The following MAPRE3 variants were observed in gnomAD, a reference collection of about 807,000 sequenced individuals.
MAPRE3 encodes microtubule-associated protein RP/EB family member 3.
A neutral mutation model predicts 30.5 loss-of-function variants in MAPRE3; 2 were observed. That is an observed-to-expected ratio of 0.07 (90% confidence interval 0.03 to 0.21). MAPRE3 has a LOEUF of 0.21. MAPRE3 is among the 10% of genes least tolerant of loss of function. The pLI is 1.00. For synonymous variants in MAPRE3, 110 were observed against 127.7 expected, an observed-to-expected ratio of 0.86 and a Z score of 0.93; for missense variants, 204 against 351.8, an observed-to-expected ratio of 0.58 and a Z score of 3.36.
intron 1 of MAPRE3, among the ~76,000 whole-genome samples, chr2:27,008,840 C>A (rs1022349030): frequency 6.6e-6 from 1 of 152,098 alleles, no homozygotes; most frequent in Non-Finnish European, 1.5e-5. Context: ...TACATCCATA[C>A]GTGTGCCATT....
chr2:27,016,477 C>T (rs1337332204), intron 1 of MAPRE3, among the ~76,000 whole-genome samples: 2 of 151,334 alleles, frequency 1.3e-5, no homozygotes, highest in Admixed American at 1.3e-4. Context: ...CTCCGCCTCC[C>T]GGGTTCACGC....
chr2:26,992,515 G>A (rs1666366760), intron 1 of MAPRE3, among the ~76,000 whole-genome samples: 1 of 150,720 alleles, frequency 6.6e-6, no homozygotes. Context: ...ATGAACCACT[G>A]CACCCGGCCC....
intron 1 of MAPRE3, chr2:27,012,143 T>C (rs569879969): frequency 7.2e-4 from 108 of 149,628 alleles, no homozygotes; most frequent in African/African-American, 2.6e-3. Context: ...GAGGTGGAGG[T>C]TGCAGTGAGC....
chr2:26,978,708 T>C (rs1246821249), intron 1 of MAPRE3, among the ~76,000 whole-genome samples: 1 of 152,228 alleles, frequency 6.6e-6, no homozygotes, highest in Admixed American at 6.5e-5. Context: ...TTCATATAAA[T>C]TTGCATATCA....
At chr2:27,006,910 CTG>C (rs926537720) in intron 1 of MAPRE3, among the ~76,000 whole-genome samples, 1 of 152,130 alleles carries the variant, frequency 6.6e-6, no homozygotes, top group African/African-American at 2.4e-5. Flanking sequence ...AAGGGGGAAA[CTG>C]TGGGAAGTTA....
chr2:26,976,514 G>A (rs1281303281), intron 1 of MAPRE3, among the ~76,000 whole-genome samples: 1 of 152,192 alleles, frequency 6.6e-6, no homozygotes, highest in Non-Finnish European at 1.5e-5. Context: ...CTTGTGCACA[G>A]AGTTGACTGG....
At chr2:26,992,166 C>A (rs4665933) in intron 1 of MAPRE3, among the ~76,000 whole-genome samples, 147,045 of 152,186 alleles carry the variant, frequency 0.97, 71,230 homozygotes, top group East Asian at 1. Context: ...CAAAAATATA[C>A]TTTTAAAGTC....
chr2:27,024,347 C>A lies in MAPRE3; in HGVS notation c.469+50C>A, dbSNP rs756001023. The A allele has an allele frequency of 2.6e-6, 4 of 1,553,958 alleles. No individual in the cohort carries two copies. The East Asian group carries it at 9.2e-5, about 36-fold the overall frequency. Reference sequence around the variant, plus strand: ...GAGCGTGGGGGGCCGGGCCGGCAGGCCTCTATAGCCAGGAGTGCCCCCTGG... The same window carrying A: ...GAGCGTGGGGGGCCGGGCCGGCAGGACTCTATAGCCAGGAGTGCCCCCTGG... On this transcript the variant is annotated intron_variant, in intron 4 of 6. Coordinates refer to ENST00000233121, the MANE Select transcript of MAPRE3 (RefSeq NM_012326.4).
At chr2:27,000,708 C>T (rs1179789463) in intron 1 of MAPRE3, among the ~76,000 whole-genome samples, 3 of 152,254 alleles carry the variant, frequency 2.0e-5, no homozygotes, top group East Asian at 1.9e-4. Flanking sequence ...CCTCTGGCCT[C>T]CTAGGCCGGT....
At chr2:27,000,864 A>G (rs1666580858) in intron 1 of MAPRE3, among the ~76,000 whole-genome samples, 1 of 152,268 alleles carries the variant, frequency 6.6e-6, no homozygotes, top group African/African-American at 2.4e-5. Context: ...TATCTTGGCA[A>G]CTATTGTCAA....
chr2:26,994,846 A>G (rs1377209606), intron 1 of MAPRE3, among the ~76,000 whole-genome samples: 2 of 134,874 alleles, frequency 1.5e-5, no homozygotes, highest in Non-Finnish European at 1.6e-5. Context: ...TTTTTTTTTA[A>G]GAAATGAGTG....
chr2:26,981,281 T>C (rs958711326), intron 1 of MAPRE3, among the ~76,000 whole-genome samples: 1 of 152,080 alleles, frequency 6.6e-6, no homozygotes, highest in African/African-American at 2.4e-5. Flanking sequence ...TTGCTTGGCA[T>C]GTTCAGGGCA....
chr2:26,973,276 C>G (rs950171896), intron 1 of MAPRE3, among the ~76,000 whole-genome samples: 1 of 152,224 alleles, frequency 6.6e-6, no homozygotes, highest in African/African-American at 2.4e-5. Context: ...GACCTACCGT[C>G]CTGAGAGTGC....
At chr2:26,976,922 G>T (rs2148195904) in intron 1 of MAPRE3, among the ~76,000 whole-genome samples, 1 of 152,286 alleles carries the variant, frequency 6.6e-6, no homozygotes, top group African/African-American at 2.4e-5. Flanking sequence ...AATTGTAAAA[G>T]ATTTATTAAT....
chr2:27,017,175 A>G (rs1558385266), intron 1 of MAPRE3, among the ~76,000 whole-genome samples: 1 of 152,226 alleles, frequency 6.6e-6, no homozygotes, highest in Non-Finnish European at 1.5e-5. Context: ...CTGCCCTAGC[A>G]GGTGCAGCAG....
At chr2:27,008,011 A>G (rs866642900) in intron 1 of MAPRE3, among the ~76,000 whole-genome samples, 39 of 152,178 alleles carry the variant, frequency 2.6e-4, no homozygotes, top group African/African-American at 8.4e-4. Context: ...GCTTTTGACT[A>G]TCTCAGTCCT....
intron 1 of MAPRE3, among the ~76,000 whole-genome samples, chr2:26,982,597 A>C (rs893129347): frequency 6.6e-6 from 1 of 152,220 alleles, no homozygotes; most frequent in African/African-American, 2.4e-5. Context: ...TGTGGAATTA[A>C]ATGGACTCTC....
At chr2:26,998,044 C>T (rs1161587373) in intron 1 of MAPRE3, among the ~76,000 whole-genome samples, 1 of 152,200 alleles carries the variant, frequency 6.6e-6, no homozygotes, top group Non-Finnish European at 1.5e-5. Context: ...CATGTTAAAG[C>T]TGTCAGTTAA....
chr2:27,004,728 TAAAAAA>T (rs563188243), intron 1 of MAPRE3, among the ~76,000 whole-genome samples: 1 of 120,436 alleles, frequency 8.3e-6, no homozygotes, highest in East Asian at 2.3e-4. Flanking sequence ...AAGGATCTAG[TAAAAAA>T]AAAAAAAAAA....
Sources: allele counts gnomAD v4.1 joint callset (sites outside exome capture counted in the v4.1 genomes callset), GRCh38; gene constraint gnomAD v4.1.1; transcripts MANE v1.5; gene names NCBI Gene and HGNC (gene_info 2026-07-23, HGNC 2026-07-21).